Variants in METTL6 observed in about 807,000 individuals in gnomAD.
METTL6 encodes the protein tRNA N(3)-cytidine methyltransferase METTL6.
A neutral mutation model predicts 26.4 loss-of-function variants in METTL6; 22 were observed. The observed-to-expected ratio is 0.83, with a 90% CI of 0.59 to 1.19. METTL6 has a LOEUF of 1.19. Ranked by LOEUF, METTL6 falls within the 50% of genes most tolerant of loss-of-function variation. The probability of loss-of-function intolerance (pLI) is 0.00; values close to 1 mark genes in which losing one functional copy is unlikely to be tolerated. For missense variants in METTL6, 304 were observed against 324.8 expected, an observed-to-expected ratio of 0.94 and a Z score of 0.49; for synonymous variants, 109 against 116.2, an observed-to-expected ratio of 0.94 and a Z score of 0.40.
chr3:15,414,755 T>C, intron 4 of METTL6: 1 of 432,384 alleles, frequency 2.3e-6, no homozygotes, highest in Non-Finnish European at 4.6e-6. Flanking sequence ...AGACCCCATC[T>C]CTACACAAAA....
At chr3:15,421,619 TA>T (rs1221501125) in intron 3 of METTL6, among the ~76,000 whole-genome samples, 1 of 152,074 alleles carries the variant, frequency 6.6e-6, no homozygotes, top group African/African-American at 2.4e-5. Flanking sequence ...CCTGGCTAAT[TA>T]AAAAAATCTT....
In METTL6 at chr3:15,411,321, T is replaced by G. The variant is rs1396794801; in HGVS notation, c.790A>C (p.Ser264Arg). 1 of 1,614,100 alleles carries G rather than the reference T, an allele frequency of 6.2e-7. No individual in the cohort carries two copies. The highest frequency in any genetic ancestry group is 8.5e-7 in the Non-Finnish European group (1 of 1,180,048). The change falls in exon 6 of 6, where the codon AGC (serine) becomes CGC (arginine). Residue 264 changes from serine (S) to arginine (R), a missense_variant. By Grantham distance (110) the Ser-to-Arg change is moderately radical (BLOSUM62 -1). Coordinates refer to ENST00000383790, the MANE Select transcript of METTL6 (RefSeq NM_152396.4). ...GLCVPRVFLQ[S>R]KFLKPPKNPS... ...TTCTTAGGAGGCTTTAGAAATTTGC[T>G]CTGAAGGAAAACTCTTGGCACACAC...
In METTL6 at chr3:15,415,578, A is replaced by G. The variant is rs182608544; in HGVS notation, c.531+194T>C. The G allele has an allele frequency of 4.4e-6, 7 of 1,605,058 alleles. No homozygotes were observed. In the South Asian group the frequency reaches 6.6e-5, roughly 15 times the overall value. Reference sequence around the variant, plus strand: ...GCTGGCGAAGCTCTGAAGAGCAGCCATGGCACTGCACAAATCAGAATTTAG... The same window carrying G: ...GCTGGCGAAGCTCTGAAGAGCAGCCGTGGCACTGCACAAATCAGAATTTAG... On this transcript the variant is annotated intron_variant, in intron 4 of 5. Transcript: ENST00000383790.
rs137895714 is a variant in METTL6 at position 15,400,555 on chromosome 3, T to A, written c.*11+10690A>T. Among the ~76,000 whole-genome samples, 703 of 152,330 alleles carry A rather than the reference T, an allele frequency of 4.6e-3. 5 individuals are homozygous for A. The highest frequency in any genetic ancestry group is 0.016 in the African/African-American group (662 of 41,590). On this transcript the variant is annotated intron_variant, in intron 6 of 6. Coordinates refer to the METTL6 transcript ENST00000443029. The stretch of plus-strand genomic sequence containing the variant: ...TCTCTTATTTCTGGAAGGTATCATT[T>A]AGCTCATGGTGGGTAGGAATCTCAC...
At chr3:15,408,737 G>A (rs2124953715), downstream of METTL6, among the ~76,000 whole-genome samples, 1 of 151,958 alleles carries the variant, frequency 6.6e-6, no homozygotes, top group South Asian at 2.1e-4. Flanking sequence ...ACCATACCTG[G>A]CTAATTTTCT....
chr3:15,398,265 C>G (rs371263145), intron 6 of METTL6, among the ~76,000 whole-genome samples: 2 of 151,838 alleles, frequency 1.3e-5, no homozygotes, highest in African/African-American at 4.8e-5. Flanking sequence ...GTGATCTTGG[C>G]TCACTGCAAT....
rs1268748781 is a variant in METTL6 at position 15,427,414 on chromosome 3, C to T, written c.-137G>A. On this transcript the variant is annotated 5_prime_UTR_variant, in exon 1 of 6. Transcript: ENST00000383790. ...CAGGCGCACTCACCCCACAGCCAGC[C>T]CCACTGGGCCTCGGAGGCAGAATAC... The T allele has an allele frequency of 6.6e-6, 2 of 302,394 alleles. No homozygotes were observed. Among genetic ancestry groups the T allele is most frequent in the Non-Finnish European group, 1.3e-5 (2 of 156,886 alleles). 18.7% of individuals were successfully genotyped at this position (302,394 alleles called of 1,614,324 possible).
At chr3:15,412,620 A>G (rs1700018072) in intron 5 of METTL6, among the ~76,000 whole-genome samples, 1 of 151,148 alleles carries the variant, frequency 6.6e-6, no homozygotes, top group Non-Finnish European at 1.5e-5. Flanking sequence ...AAGCAGCAGG[A>G]CCACAAGTGC....
chr3:15,424,679 G>A (rs574179378), intron 3 of METTL6, among the ~76,000 whole-genome samples: 2 of 152,346 alleles, frequency 1.3e-5, no homozygotes, highest in Admixed American at 1.3e-4. Flanking sequence ...CTTGACATTT[G>A]TAATATACTT....
chr3:15,427,563 C>G, upstream of METTL6: 1 of 554,762 alleles, frequency 1.8e-6, no homozygotes. Flanking sequence ...TCCTACCCGA[C>G]GCCGGAAGTC....
chr3:15,398,419 C>T (rs868427577), intron 6 of METTL6, among the ~76,000 whole-genome samples: 31 of 152,184 alleles, frequency 2.0e-4, no homozygotes, highest in Middle Eastern at 3.2e-3. Flanking sequence ...GCCTCGAGCT[C>T]GTGACCTCAA....
At chr3:15,386,553 T>A (rs1699205484) in intron 6 of METTL6, among the ~76,000 whole-genome samples, 1 of 152,212 alleles carries the variant, frequency 6.6e-6, no homozygotes, top group Non-Finnish European at 1.5e-5. Context: ...GTTCCAGGGT[T>A]TCTGCTTCTC....
chr3:15,393,916 T>C (rs888726956), intron 6 of METTL6, among the ~76,000 whole-genome samples: 2 of 152,338 alleles, frequency 1.3e-5, no homozygotes, highest in Middle Eastern at 3.4e-3. Flanking sequence ...TTATTGAGGA[T>C]TTTTGCATCG....
downstream of METTL6, among the ~76,000 whole-genome samples, chr3:15,406,629 T>TAGAG (rs1211289541): frequency 8.2e-4 from 17 of 20,722 alleles, 1 homozygote; most frequent in Admixed American, 2.5e-3. Flanking sequence ...TATATATATA[T>TAGAG]AGAGAGAGAG....
chr3:15,417,725 A>C lies in METTL6; in HGVS notation c.361-1783T>G, dbSNP rs143366942. Among the ~76,000 whole-genome samples the C allele has an allele frequency of 1.8e-3, 274 of 152,306 alleles. 2 individuals carry two copies. The highest frequency in any genetic ancestry group is 2.9e-3 in the Non-Finnish European group (198 of 68,014). ...AAGGTAGATAATAAAGATGACAATT[A>C]TGAGTGAGGAAAAAATTTCTCATTC... On this transcript the variant is annotated intron_variant, in intron 3 of 5. Transcript: ENST00000383790.
intron 6 of METTL6, among the ~76,000 whole-genome samples, chr3:15,392,086 A>T (rs146846577): frequency 0.27 from 40,286 of 151,982 alleles, 5,841 homozygotes; most frequent in Non-Finnish European, 0.33. Flanking sequence ...TGACTTCCAC[A>T]ATGGTTGAAC....
intron 3 of METTL6, among the ~76,000 whole-genome samples, chr3:15,423,355 T>C (rs1454398390): frequency 6.6e-6 from 1 of 152,202 alleles, no homozygotes; most frequent in East Asian, 1.9e-4. Context: ...ATTGCACCAC[T>C]GCACTCCAGT....
intron 3 of METTL6, among the ~76,000 whole-genome samples, chr3:15,419,806 T>C (rs1403971952): frequency 6.6e-6 from 1 of 151,262 alleles, no homozygotes; most frequent in African/African-American, 2.4e-5. Flanking sequence ...ACCCTATTTG[T>C]AAGAGCAAAA....
chr3:15,427,598 C>T (rs1282579821), upstream of METTL6: 2 of 604,618 alleles, frequency 3.3e-6, no homozygotes, highest in Non-Finnish European at 5.8e-6. Context: ...CCTCAGATTC[C>T]TCTCTCACCC....
Sources: allele counts gnomAD v4.1 joint callset (sites outside exome capture counted in the v4.1 genomes callset), GRCh38; gene constraint gnomAD v4.1.1; transcripts MANE v1.5; gene names NCBI Gene and HGNC (gene_info 2026-07-23, HGNC 2026-07-21).